Variants in RASA2 observed in about 807,000 individuals in gnomAD.
RASA2 encodes ras GTPase-activating protein 2.
A neutral mutation model predicts 118.2 loss-of-function variants in RASA2; 155 were observed. That is an observed-to-expected ratio of 1.31 (90% CI 1.15 to 1.50). The LOEUF is 1.50. Among genes scored for constraint, RASA2 ranks in the 40% most tolerant of loss-of-function variants. The pLI is 0.00. For synonymous variants in RASA2, 353 were observed against 349.1 expected, an observed-to-expected ratio of 1.01 and a Z score of -0.12; for missense variants, 1,016 against 1,009.6, an observed-to-expected ratio of 1.01 and a Z score of -0.09.
chr3:141,517,425 G>A (rs970891322), intron 3 of RASA2, among the ~76,000 whole-genome samples: 1 of 152,150 alleles, frequency 6.6e-6, no homozygotes, highest in African/African-American at 2.4e-5. Context: ...CAAAGGGGAA[G>A]CAAGCACATC....
chr3:141,555,965 T>G, intron 7 of RASA2, 53 bp downstream of exon 7: 1 of 1,361,676 alleles, frequency 7.3e-7, no homozygotes. Context: ...TATTTAATGC[T>G]AGTTGATTTC....
intron 3 of RASA2, among the ~76,000 whole-genome samples, chr3:141,523,183 C>T (rs974186718): frequency 1.3e-5 from 2 of 150,702 alleles, no homozygotes; most frequent in Admixed American, 6.6e-5. Context: ...GGCTGGAGTG[C>T]GTTGGCATGA....
intron 17 of RASA2, 25 bp downstream of exon 17, chr3:141,581,202 G>C: frequency 1.4e-6 from 2 of 1,404,548 alleles, no homozygotes; most frequent in Non-Finnish European, 9.4e-7. Context: ...TTCTGGAATT[G>C]TTAATATTTA....
intron 2 of RASA2, among the ~76,000 whole-genome samples, chr3:141,515,101 A>C (rs561478920): frequency 6.6e-6 from 1 of 152,206 alleles, no homozygotes; most frequent in Admixed American, 6.5e-5. Context: ...ATCAGAAGTC[A>C]TCAACCTCTA....
intron 2 of RASA2, among the ~76,000 whole-genome samples, chr3:141,515,286 C>T (rs968974003): frequency 6.6e-6 from 1 of 151,932 alleles, no homozygotes; most frequent in African/African-American, 2.4e-5. Context: ...TTTCACATAA[C>T]ATTGGCTGTT....
intron 1 of RASA2, among the ~76,000 whole-genome samples, chr3:141,509,353 T>A (rs773132621): frequency 3.3e-5 from 5 of 152,236 alleles, no homozygotes; most frequent in Non-Finnish European, 5.9e-5. Flanking sequence ...ATAACCTCAT[T>A]GTCTCTCTCT....
At chr3:141,572,029 C>CATATATATATATATATAT (rs10568210) in intron 11 of RASA2, among the ~76,000 whole-genome samples, 4 of 121,462 alleles carry the variant, frequency 3.3e-5, no homozygotes, top group Non-Finnish European at 6.8e-5. Context: ...TTTAAAAAAA[C>CATATATATATATATATAT]ATATATATAT....
chr3:141,516,980 G>T (rs2082037067), intron 3 of RASA2, among the ~76,000 whole-genome samples: 1 of 151,920 alleles, frequency 6.6e-6, no homozygotes, highest in African/African-American at 2.4e-5. Context: ...CACCATGTTG[G>T]CCAGGCTGAT....
At chr3:141,492,028 G>T (rs1182565858) in intron 1 of RASA2, among the ~76,000 whole-genome samples, 5 of 152,206 alleles carry the variant, frequency 3.3e-5, no homozygotes, top group African/African-American at 1.2e-4. Context: ...TAGGATGGAG[G>T]AAGAATCCAT....
At position 141,572,700 on chromosome 3, in the gene RASA2, A is replaced by G. The variant is rs2082943553; in HGVS notation, c.1261A>G (p.Thr421Ala). ...AGTGGGAGGGCACTACCTGAAAGTA[A>G]CATTAAAACCTATTCTTGATGAGGT... Reference protein sequence around the residue: ...KIVGGHYLKVTLKPILDEICD... With the variant: ...KIVGGHYLKVALKPILDEICD... The change falls in exon 12 of 24, where the codon ACA (threonine) becomes GCA (alanine). Residue 421 changes from threonine (T) to alanine (A), a missense_variant. This residue lies in a region of RASA2 where 896 missense variants were observed against 836.4 expected (regional missense o/e 1.07). Coordinates refer to ENST00000286364, the MANE Select transcript of RASA2 (RefSeq NM_006506.5). 7 of 1,610,220 alleles carry G rather than the reference A, an allele frequency of 4.3e-6. No homozygotes were observed. In the East Asian group the frequency reaches 1.6e-4, roughly 36 times the overall value.
chr3:141,548,158 ATC>A (rs1179205779), intron 5 of RASA2, among the ~76,000 whole-genome samples: 1 of 151,948 alleles, frequency 6.6e-6, no homozygotes, highest in Non-Finnish European at 1.5e-5. Context: ...TTTTTGATGT[ATC>A]TCTCTCTGGT....
Position 141,540,593 on chromosome 3 carries a change from C to T in RASA2, c.511C>T (p.Gln171Ter), listed in dbSNP as rs371048945. Residue 171 changes from glutamine to a stop codon, truncating the protein, a stop_gained, in exon 5 of 24, where the codon CAG becomes TAG. Coordinates refer to ENST00000286364, the MANE Select transcript of RASA2 (RefSeq NM_006506.5). LOFTEE classifies it high-confidence loss of function. ...ELITENGTVC[Q>*]QLVVHIKACH... The stretch of plus-strand genomic sequence containing the variant: ...GATAACGGAGAATGGAACTGTATGC[C>T]AGCAGCTTGTTGTACAGTAAGCATT... 1.2e-6 allele frequency: 2 copies of T among 1,611,642 alleles called. No individual in the cohort carries two copies. The highest frequency in any genetic ancestry group is 1.3e-5 in the African/African-American group (1 of 74,774).
intron 9 of RASA2, among the ~76,000 whole-genome samples, chr3:141,562,242 AGC>A (rs2082740828): frequency 6.6e-6 from 1 of 150,962 alleles, no homozygotes; most frequent in South Asian, 2.1e-4. Flanking sequence ...CATTGCGCCC[AGC>A]CTTTGGTCTC....
chr3:141,505,245 T>C (rs907560168), intron 1 of RASA2, among the ~76,000 whole-genome samples: 2 of 152,244 alleles, frequency 1.3e-5, no homozygotes, highest in African/African-American at 4.8e-5. Context: ...GGCAGAGACC[T>C]GTTTTTATTC....
intron 2 of RASA2, among the ~76,000 whole-genome samples, chr3:141,515,572 G>A (rs904782716): frequency 1.3e-5 from 2 of 152,038 alleles, no homozygotes; most frequent in Non-Finnish European, 2.9e-5. Flanking sequence ...CTTTTCAATG[G>A]CATTTTAGTC....
At chr3:141,597,015 A>C (rs961771040) in intron 19 of RASA2, among the ~76,000 whole-genome samples, 3 of 152,224 alleles carry the variant, frequency 2.0e-5, no homozygotes, top group Non-Finnish European at 4.4e-5. Flanking sequence ...GAGCAGCGTT[A>C]TTCACAATAG....
Position 141,581,104 on chromosome 3 carries a change from G to C in RASA2, c.1679G>C (p.Ser560Thr). ...SWGSLSKSKS[S>T]FKETFMCEFF... ...CCTGTGTTTGTTTTTTCTTAGTCAA[G>C]TTTCAAAGAGACATTCATGTGTGAA... The change falls in exon 17 of 24, where the codon AGT (serine) becomes ACT (threonine). Residue 560 changes from serine to threonine, a missense_variant. Physicochemically the swap from Ser to Thr is moderately conservative, Grantham distance 58. This residue lies in a region of RASA2 where 896 missense variants were observed against 836.4 expected (regional missense o/e 1.07). Coordinates refer to ENST00000286364, the MANE Select transcript of RASA2 (RefSeq NM_006506.5). The C allele has an allele frequency of 4.6e-6, 7 of 1,530,258 alleles. No individual in the cohort carries two copies. Among genetic ancestry groups the C allele is most frequent in the Non-Finnish European group, 6.1e-6 (7 of 1,146,970 alleles). The allele number at this position is 1,530,258 out of a possible 1,614,324, so 94.8% of individuals were successfully genotyped here. A position where few individuals can be genotyped will look rare whatever the true frequency, so the allele number is the denominator to read the frequency against.
chr3:141,554,439 G>T (rs1339930867), intron 6 of RASA2, among the ~76,000 whole-genome samples: 1 of 152,166 alleles, frequency 6.6e-6, no homozygotes, highest in Admixed American at 6.5e-5. Flanking sequence ...AAGTACTAGA[G>T]CATGGCAAAG....
At chr3:141,564,275 C>T (rs948165127) in intron 9 of RASA2, among the ~76,000 whole-genome samples, 2 of 151,924 alleles carry the variant, frequency 1.3e-5, no homozygotes, top group Non-Finnish European at 2.9e-5. Context: ...AATAAAGTTG[C>T]GCTCTGAGCA....
Sources: gnomAD v4.1 joint callset for allele counts (sites outside exome capture counted in the v4.1 genomes callset) on GRCh38, gnomAD v4.1.1 for gene constraint, gnomAD v4.1.1 regional missense constraint, MANE v1.5 for transcripts, NCBI Gene and HGNC (gene_info 2026-07-23, HGNC 2026-07-21) for gene names.